The following MSRB3 variants were observed in gnomAD, a reference collection of about 807,000 sequenced individuals.
MSRB3 encodes the protein methionine sulfoxide reductase B3.
In MSRB3, 13 loss-of-function variants were observed where a neutral mutation model predicts 21.0. The observed-to-expected ratio is 0.62, with a 90% CI of 0.40 to 0.98. The LOEUF is 0.98. Among genes scored for constraint, MSRB3 ranks in the 50% least tolerant of loss-of-function variants. The pLI is 0.00. For synonymous variants in MSRB3, 87 were observed against 88.6 expected (o/e 0.98, Z 0.10); for missense variants, 199 against 230.3 (o/e 0.86, Z 0.88).
chr12:65,327,225 T>C (rs1875105798), intron 3 of MSRB3, among the ~76,000 whole-genome samples: 1 of 152,238 alleles, frequency 6.6e-6, no homozygotes, highest in Non-Finnish European at 1.5e-5. Context: ...GCGATTTAGG[T>C]ACATTTTTTG....
At chr12:65,410,885 T>C (rs1592611062) in intron 5 of MSRB3, among the ~76,000 whole-genome samples, 1 of 152,312 alleles carries the variant, frequency 6.6e-6, no homozygotes, top group East Asian at 1.9e-4. Context: ...AAGGGAATGA[T>C]GTGAAATTAA....
At chr12:65,435,985 T>C (rs1882097313) in intron 5 of MSRB3, among the ~76,000 whole-genome samples, 1 of 151,828 alleles carries the variant, frequency 6.6e-6, no homozygotes, top group Non-Finnish European at 1.5e-5. Flanking sequence ...AGTTAGATAG[T>C]GAAAAATGAT....
intron 6 of MSRB3, among the ~76,000 whole-genome samples, chr12:65,456,104 A>G (rs543506765): frequency 6.6e-5 from 10 of 152,336 alleles, no homozygotes; most frequent in South Asian, 4.1e-4. Context: ...AAGGTAAACT[A>G]TAAGTAGGAT....
chr12:65,282,341 C>T (rs1157292365), intron 1 of MSRB3, among the ~76,000 whole-genome samples: 1 of 151,660 alleles, frequency 6.6e-6, no homozygotes, highest in Non-Finnish European at 1.5e-5. Context: ...AATTGCTCAG[C>T]ACAGTCCCTC....
At chr12:65,450,694 C>T (rs1882816693) in intron 5 of MSRB3, among the ~76,000 whole-genome samples, 1 of 152,194 alleles carries the variant, frequency 6.6e-6, no homozygotes. Context: ...CATAAACACA[C>T]TCCCCTTCCC....
intron 6 of MSRB3, among the ~76,000 whole-genome samples, chr12:65,462,239 C>A (rs1883361916): frequency 6.6e-6 from 1 of 152,128 alleles, no homozygotes; most frequent in Admixed American, 6.5e-5. Context: ...TCGCCCCATC[C>A]CTGATGGAAA....
intron 4 of MSRB3, among the ~76,000 whole-genome samples, chr12:65,335,334 T>A (rs1464279842): frequency 6.6e-6 from 1 of 152,178 alleles, no homozygotes; most frequent in East Asian, 1.9e-4. Context: ...GTGTGATGAG[T>A]CACAGCTCCA....
At chr12:65,321,950 G>A (rs940181571) in intron 2 of MSRB3, among the ~76,000 whole-genome samples, 1 of 152,118 alleles carries the variant, frequency 6.6e-6, no homozygotes, top group Admixed American at 6.5e-5. Flanking sequence ...ATTATCTTGG[G>A]AAAATATTTA....
intron 3 of MSRB3, among the ~76,000 whole-genome samples, chr12:65,328,212 A>T (rs191240885): frequency 1.3e-5 from 2 of 152,064 alleles, no homozygotes; most frequent in Admixed American, 1.3e-4. Context: ...GCAAAATCTT[A>T]TGTAATGTTC....
intron 4 of MSRB3, among the ~76,000 whole-genome samples, chr12:65,336,614 A>G (rs1471275486): frequency 6.6e-6 from 1 of 152,230 alleles, no homozygotes; most frequent in Non-Finnish European, 1.5e-5. Context: ...AATAGGGAAA[A>G]CTTTTAACTG....
chr12:65,395,083 A>G (rs1393232604), intron 5 of MSRB3, among the ~76,000 whole-genome samples: 1 of 152,202 alleles, frequency 6.6e-6, no homozygotes, highest in African/African-American at 2.4e-5. Flanking sequence ...AAGAACAGAA[A>G]ATGGAAAAAA....
intron 6 of MSRB3, among the ~76,000 whole-genome samples, chr12:65,457,569 C>A (rs1883146937): frequency 6.6e-6 from 1 of 152,094 alleles, no homozygotes; most frequent in South Asian, 2.1e-4. Flanking sequence ...TTTATGGCTG[C>A]ATAGTATTCC....
intron 5 of MSRB3, among the ~76,000 whole-genome samples, chr12:65,414,629 A>G (rs1013991878): frequency 1.3e-5 from 2 of 152,214 alleles, no homozygotes; most frequent in African/African-American, 4.8e-5. Context: ...TGACATTTAT[A>G]TAACAACAAA....
At chr12:65,370,392 A>T (rs1344946) in intron 5 of MSRB3, among the ~76,000 whole-genome samples, 99,372 of 151,936 alleles carry the variant, frequency 0.65, 32,608 homozygotes, top group Admixed American at 0.72. Context: ...ACCAAATATT[A>T]ATTAAGAACC....
At chr12:65,401,385 G>T (rs146065836) in intron 5 of MSRB3, among the ~76,000 whole-genome samples, 1 of 151,978 alleles carries the variant, frequency 6.6e-6, no homozygotes, top group African/African-American at 2.4e-5. Context: ...TGTATCTTTC[G>T]ATCTTTGTTG....
chr12:65,368,021 G>T (rs1878110840), intron 4 of MSRB3, among the ~76,000 whole-genome samples: 1 of 152,152 alleles, frequency 6.6e-6, no homozygotes, highest in South Asian at 2.1e-4. Flanking sequence ...GAAGCTTCTT[G>T]CTTATCCTTC....
intron 3 of MSRB3, 22 bp downstream of exon 3, chr12:65,326,956 A>T: frequency 6.4e-7 from 1 of 1,563,990 alleles, no homozygotes; most frequent in Non-Finnish European, 8.8e-7. Flanking sequence ...TTTAATAAAA[A>T]GTCATTAAGA....
At chr12:65,313,591 A>G (rs1874116352) in intron 2 of MSRB3, among the ~76,000 whole-genome samples, 1 of 151,950 alleles carries the variant, frequency 6.6e-6, no homozygotes, top group Non-Finnish European at 1.5e-5. Flanking sequence ...CATATTCAGG[A>G]CCTCTGTTCT....
At chr12:65,347,751 A>G (rs1246940459) in intron 4 of MSRB3, among the ~76,000 whole-genome samples, 3 of 152,162 alleles carry the variant, frequency 2.0e-5, no homozygotes, top group Admixed American at 6.5e-5. Flanking sequence ...TTATTTGCAG[A>G]TATGTCCCAT....
Sources: gnomAD v4.1 joint callset for allele counts (sites outside exome capture counted in the v4.1 genomes callset) on GRCh38, gnomAD v4.1.1 for gene constraint, MANE v1.5 for transcripts, NCBI Gene and HGNC (gene_info 2026-07-23, HGNC 2026-07-21) for gene names.